NPAS4: variants seen among roughly 807,000 people sequenced by gnomAD.
The protein encoded by NPAS4 is neuronal PAS domain protein 4, also known as neuronal PAS domain-containing protein 4.
Under a neutral mutation model 64.0 loss-of-function variants are expected in NPAS4, and 10 were observed. The ratio of observed to expected loss-of-function variants is 0.16; its 90% confidence interval spans 0.10 to 0.26. The LOEUF is 0.26. Ranked by LOEUF, NPAS4 falls within the 10% of genes least tolerant of loss-of-function variation. The probability of loss-of-function intolerance (pLI) is 1.00; values close to 1 mark genes in which losing one functional copy is unlikely to be tolerated. For synonymous variants in NPAS4, 441 were observed against 411.7 expected, an observed-to-expected ratio of 1.07 and a Z score of -0.86; for missense variants, 886 against 992.6, an observed-to-expected ratio of 0.89 and a Z score of 1.44.
In NPAS4 at chr11:66,423,846, C is replaced by T. The variant is rs1429692302; in HGVS notation, c.956C>T (p.Ala319Val). Residue 319 changes from alanine (A) to valine (V), a missense_variant, in exon 7 of 8, where the codon GCC becomes GTC. Ala to Val is a moderately conservative substitution (Grantham distance 64). This residue lies in a region of NPAS4 where 820 missense variants were observed against 855.5 expected (regional missense o/e 0.96). Transcript: ENST00000311034. ...TCTCTCCTCTCCAGTGACATGGAAG[C>T]CTGGAGCCTCCGCCAGCAGTTGAAC... is the stretch of plus-strand genomic sequence containing the variant. ...ANNYPISDME[A>V]WSLRQQLNSE... is the part of the protein sequence containing the mutation. 1.2e-6 allele frequency: 2 copies of T among 1,608,916 alleles called. No individual in the cohort carries two copies. Among genetic ancestry groups the T allele is most frequent in the Non-Finnish European group, 1.7e-6 (2 of 1,176,988 alleles).
At chr11:66,419,279 C>T (rs776807231), upstream of NPAS4, among the ~76,000 whole-genome samples, 1 of 152,130 alleles carries the variant, frequency 6.6e-6, no homozygotes, top group Non-Finnish European at 1.5e-5. Context: ...TGGCCCCAAC[C>T]TCTGCCAAAA....
At chr11:66,423,737 G>A in intron 6 of NPAS4, 24 bp downstream of exon 6, 1 of 1,613,686 alleles carries the variant, frequency 6.2e-7, no homozygotes, top group Non-Finnish European at 8.5e-7. Context: ...CAGGGGACTA[G>A]GGGGCAGCTG....
upstream of NPAS4, chr11:66,417,042 C>T (rs956893657): frequency 1.3e-5 from 2 of 152,152 alleles, no homozygotes; most frequent in East Asian, 3.8e-4. Flanking sequence ...CTATGCAAGA[C>T]AGGAGCAAGG....
intron 1 of NPAS4, among the ~76,000 whole-genome samples, chr11:66,421,724 C>T (rs925668790): frequency 1.8e-4 from 28 of 152,360 alleles, no homozygotes; most frequent in African/African-American, 6.7e-4. Context: ...GTCCGCGGTG[C>T]TGAAAGGGAT....
chr11:66,413,084 CAAT>C, the NPAS4 span, among the ~76,000 whole-genome samples: 1 of 152,346 alleles, frequency 6.6e-6, no homozygotes, highest in African/African-American at 2.4e-5. Context: ...GGACAAGAGA[CAAT>C]AAATTCCTCA....
At chr11:66,417,436 A>G (rs1339011391), upstream of NPAS4, among the ~76,000 whole-genome samples, 1 of 152,282 alleles carries the variant, frequency 6.6e-6, no homozygotes, top group East Asian at 1.9e-4. Context: ...GGGAGAATTC[A>G]GGATGATTCA....
chr11:66,424,459 G>A lies in NPAS4; in HGVS notation c.1569G>A (p.Leu523=). The A allele has an allele frequency of 6.2e-7, 1 of 1,614,040 alleles. No homozygotes were observed. The highest frequency in any genetic ancestry group is 8.5e-7 in the Non-Finnish European group (1 of 1,179,990). The part of the protein sequence containing the change: ...LPSTATFPEP[L]GSPAHEQLTP... ...GCACAGCCACCTTCCCAGAGCCTCT[G>A]GGCAGCCCTGCCCATGAACAGCTGA... is the stretch of plus-strand genomic sequence containing the variant. The change falls in exon 7 of 8, where the codon CTG becomes CTA. Residue 523 remains leucine, a synonymous_variant. Coordinates refer to ENST00000311034, the MANE Select transcript of NPAS4 (RefSeq NM_178864.4).
Position 66,422,151 on chromosome 11 carries a change from C to G in NPAS4, c.207C>G (p.Leu69=), listed in dbSNP as rs781757625. ...GTPLAGPTGL[L]SAQELEDIVA... ...CTCTGGCGGGCCCCACGGGGCTTCT[C>G]TCAGCTCAAGAGCTTGAGGACATCG... The change falls in exon 2 of 8, where the codon CTC becomes CTG. Residue 69 remains leucine (L), a synonymous_variant. Coordinates refer to ENST00000311034, the MANE Select transcript of NPAS4 (RefSeq NM_178864.4). The G allele has an allele frequency of 6.8e-6, 11 of 1,614,048 alleles. No homozygotes were observed. Among genetic ancestry groups the G allele is most frequent in the African/African-American group, 4.0e-5 (3 of 74,938 alleles).
Position 66,424,633 on chromosome 11 carries a change from T to C in NPAS4, c.1743T>C (p.Pro581=). ...YEKLPPSPSS[P]GNGDCTLLAL... ...AGTTGCCCCCAAGTCCTAGCAGCCC[T>C]GGTAATGGGGACTGCACGCTCTTGG... Residue 581 remains proline (P), a synonymous_variant, in exon 7 of 8, where the codon CCT becomes CCC. Transcript: ENST00000311034. 1.2e-6 allele frequency: 2 copies of C among 1,614,134 alleles called. No homozygotes were observed. The highest frequency in any genetic ancestry group is 2.2e-5 in the South Asian group (2 of 91,086).
chr11:66,423,334 A>G, intron 5 of NPAS4, 102 bp downstream of exon 5: 1 of 876,028 alleles, frequency 1.1e-6, no homozygotes, highest in South Asian at 1.4e-5. Context: ...TGGGGAGATA[A>G]CAGAGGCCAA....
At chr11:66,417,577 G>T (rs183552281), upstream of NPAS4, among the ~76,000 whole-genome samples, 1 of 152,136 alleles carries the variant, frequency 6.6e-6, no homozygotes, top group Non-Finnish European at 1.5e-5. Context: ...GGAAAGAGGT[G>T]AGCAAGATAT....
chr11:66,416,874 C>G (rs1245503451), upstream of NPAS4: 2 of 152,172 alleles, frequency 1.3e-5, no homozygotes, highest in African/African-American at 4.8e-5. Context: ...AGACTAGCAG[C>G]CAGGAGTCTC....
upstream of NPAS4, among the ~76,000 whole-genome samples, chr11:66,418,272 G>C (rs928687324): frequency 6.6e-6 from 1 of 152,120 alleles, no homozygotes; most frequent in African/African-American, 2.4e-5. Context: ...TTGGGGGAGA[G>C]AGTGGGGTGA....
Position 66,423,901 on chromosome 11 carries a change from G to A in NPAS4, c.1011G>A (p.Leu337=), listed in dbSNP as rs1856795216. ...NSEDTQAAYV[L]GTPTMLPSFP... is the part of the protein sequence containing the mutation. ...AAGACACCCAGGCAGCTTATGTCCT[G>A]GGCACTCCGACCATGCTGCCCTCAT... Residue 337 remains leucine (L), a synonymous_variant, in exon 7 of 8, where the codon CTG becomes CTA. Transcript: ENST00000311034. 1.9e-6 allele frequency: 3 copies of A among 1,613,886 alleles called. No individual in the cohort carries two copies. The highest frequency in any genetic ancestry group is 2.5e-6 in the Non-Finnish European group (3 of 1,179,974).
chr11:66,413,579 C>A, the NPAS4 span, among the ~76,000 whole-genome samples: 2 of 152,256 alleles, frequency 1.3e-5, no homozygotes, highest in African/African-American at 4.8e-5. Flanking sequence ...TCCACTTTTG[C>A]TGCATGTCCC....
the NPAS4 span, among the ~76,000 whole-genome samples, chr11:66,412,353 G>A: frequency 6.6e-6 from 1 of 152,144 alleles, no homozygotes; most frequent in African/African-American, 2.4e-5. Flanking sequence ...AGCCCTGAGG[G>A]GCACTTTATG....
chr11:66,423,753 G>C, intron 6 of NPAS4, 40 bp downstream of exon 6: 1 of 1,612,266 alleles, frequency 6.2e-7, no homozygotes, highest in Non-Finnish European at 8.5e-7. Context: ...AGCTGAGGTC[G>C]TCATGGAGGA....
At chr11:66,419,391 C>G (rs1856704086), upstream of NPAS4, among the ~76,000 whole-genome samples, 1 of 152,182 alleles carries the variant, frequency 6.6e-6, no homozygotes, top group African/African-American at 2.4e-5. Context: ...CTTACTACCA[C>G]CCCTTTCCAT....
chr11:66,419,526 C>T (rs58752760), upstream of NPAS4, among the ~76,000 whole-genome samples: 28,815 of 152,088 alleles, frequency 0.19, 3,401 homozygotes, highest in Admixed American at 0.3. Context: ...CATTTCCAGC[C>T]ACTTAAGTGA....
Sources: gnomAD v4.1 joint callset for allele counts (sites outside exome capture counted in the v4.1 genomes callset) on GRCh38, gnomAD v4.1.1 for gene constraint, gnomAD v4.1.1 regional missense constraint, MANE v1.5 for transcripts, NCBI Gene and HGNC (gene_info 2026-07-23, HGNC 2026-07-21) for gene names.